The following LINGO2 variants were observed in gnomAD, a reference collection of about 807,000 sequenced individuals.
LINGO2 encodes the protein leucine rich repeat and Ig domain containing 2.
In LINGO2, 14 loss-of-function variants were observed where a neutral mutation model predicts 30.6. The ratio of observed to expected loss-of-function variants is 0.46; its 90% confidence interval spans 0.30 to 0.72. The LOEUF is 0.72. Among genes scored for constraint, LINGO2 ranks in the 30% least tolerant of loss-of-function variants. The pLI is 0.07. For synonymous variants in LINGO2, 317 were observed against 288.5 expected (o/e 1.10, Z -1.00); for missense variants, 729 against 751.7 (o/e 0.97, Z 0.35).
At chr9:28,970,730 T>C in the LINGO2 span, among the ~76,000 whole-genome samples, 2 of 152,144 alleles carry the variant, frequency 1.3e-5, no homozygotes, top group African/African-American at 4.8e-5. Context: ...AAGTCAGAAC[T>C]TGAGTTCCTG....
At chr9:28,355,200 GTAT>G (rs1032380935) in intron 3 of LINGO2, among the ~76,000 whole-genome samples, 1 of 151,232 alleles carries the variant, frequency 6.6e-6, no homozygotes, top group African/African-American at 2.4e-5. Context: ...GCCCCAGGTT[GTAT>G]TATAAATCTC....
chr9:28,331,304 C>T lies in LINGO2; in HGVS notation c.-245-35938G>A, dbSNP rs77304424. On this transcript the variant is annotated intron_variant, in intron 3 of 5. Coordinates refer to ENST00000379992, the Ensembl canonical transcript of LINGO2. The stretch of plus-strand genomic sequence containing the variant: ...ATATGCAAGAAGAAAAGAACAAAAA[C>T]CAAATAAACAAGCAAAAAACTTAAA... Among the ~76,000 whole-genome samples the T allele has an allele frequency of 1.9e-3, 295 of 151,940 alleles. 1 individual carries two copies. Among genetic ancestry groups the T allele is most frequent in the Admixed American group, 3.7e-3 (57 of 15,252 alleles).
intron 1 of LINGO2, among the ~76,000 whole-genome samples, chr9:28,533,923 G>C (rs574645424): frequency 2.6e-5 from 4 of 152,192 alleles, no homozygotes; most frequent in South Asian, 4.1e-4. Context: ...GGACTGCTAG[G>C]TTACAAATTA....
At chr9:29,209,958 T>C in the LINGO2 span, among the ~76,000 whole-genome samples, 1 of 152,148 alleles carries the variant, frequency 6.6e-6, no homozygotes, top group African/African-American at 2.4e-5. Flanking sequence ...CTCCTTGTAC[T>C]ACAGGAAAAC....
the LINGO2 span, among the ~76,000 whole-genome samples, chr9:28,981,059 A>T: frequency 1.3e-5 from 2 of 152,144 alleles, no homozygotes. Flanking sequence ...CCTAATGACC[A>T]TAATCAACAC....
intron 1 of LINGO2, among the ~76,000 whole-genome samples, chr9:28,499,310 G>A (rs1235271687): frequency 6.6e-6 from 1 of 152,020 alleles, no homozygotes; most frequent in African/African-American, 2.4e-5. Flanking sequence ...ACCTACCTGG[G>A]GTTTTGAATT....
the LINGO2 span, among the ~76,000 whole-genome samples, chr9:28,724,612 A>C: frequency 1.3e-5 from 2 of 152,166 alleles, no homozygotes; most frequent in Non-Finnish European, 2.9e-5. Flanking sequence ...GGAACATGAA[A>C]GAGATAGGAG....
intron 4 of LINGO2, among the ~76,000 whole-genome samples, chr9:28,118,455 AAGG>A (rs1469531369): frequency 2.0e-5 from 3 of 152,192 alleles, no homozygotes; most frequent in East Asian, 3.9e-4. Context: ...TTAGTTTAAT[AAGG>A]AGAAGGCAGT....
chr9:28,029,281 C>T (rs569317949), intron 4 of LINGO2, among the ~76,000 whole-genome samples: 1 of 152,156 alleles, frequency 6.6e-6, no homozygotes, highest in South Asian at 2.1e-4. Context: ...TCCACAGGAT[C>T]GTTTCTTGGG....
chr9:28,948,985 T>G, the LINGO2 span, among the ~76,000 whole-genome samples: 1 of 152,030 alleles, frequency 6.6e-6, no homozygotes, highest in Non-Finnish European at 1.5e-5. Flanking sequence ...TCAATTCCTC[T>G]TATCGGTTCA....
At chr9:28,994,327 C>T in the LINGO2 span, among the ~76,000 whole-genome samples, 1 of 152,152 alleles carries the variant, frequency 6.6e-6, no homozygotes, top group African/African-American at 2.4e-5. Context: ...TGAAGGACCA[C>T]TTCAAGGACA....
chr9:28,446,653 C>T (rs915627190), intron 2 of LINGO2, among the ~76,000 whole-genome samples: 3 of 152,334 alleles, frequency 2.0e-5, no homozygotes, highest in African/African-American at 7.2e-5. Context: ...TTTTCTCCCT[C>T]ACCTCTGCAA....
chr9:28,471,267 G>A (rs993367305), intron 2 of LINGO2, among the ~76,000 whole-genome samples: 14 of 152,150 alleles, frequency 9.2e-5, no homozygotes, highest in African/African-American at 3.4e-4. Flanking sequence ...GCAGTTTCTG[G>A]CATAGGCTTT....
At chr9:28,385,454 T>G (rs1821540226) in intron 2 of LINGO2, among the ~76,000 whole-genome samples, 2 of 152,146 alleles carry the variant, frequency 1.3e-5, no homozygotes, top group Admixed American at 6.6e-5. Context: ...TGTATTCAAC[T>G]TCATGACTCT....
At chr9:28,595,074 T>A (rs2135721097) in intron 1 of LINGO2, among the ~76,000 whole-genome samples, 1 of 152,160 alleles carries the variant, frequency 6.6e-6, no homozygotes, top group East Asian at 1.9e-4. Context: ...GCATAAATAG[T>A]CAATATTGGC....
chr9:28,181,978 G>A lies in LINGO2; in HGVS notation c.-87+113230C>T, dbSNP rs151169040. ...AAACAAACTACTTTAAATTTCATAT[G>A]GAATCAAAGTAGACCCTGTATAGCC... On this transcript the variant is annotated intron_variant, in intron 4 of 5. Coordinates refer to ENST00000379992, the Ensembl canonical transcript of LINGO2. Among the ~76,000 whole-genome samples the A allele has an allele frequency of 9.9e-5, 15 of 152,066 alleles. No individual in the cohort carries two copies. The East Asian group carries it at 2.5e-3, about 26-fold the overall frequency.
intron 4 of LINGO2, among the ~76,000 whole-genome samples, chr9:28,049,272 A>G (rs756751923): frequency 1.3e-5 from 2 of 150,764 alleles, no homozygotes; most frequent in Non-Finnish European, 2.9e-5. Flanking sequence ...ATAACCCAAT[A>G]TATCTCAGCC....
chr9:29,090,351 T>G, the LINGO2 span, among the ~76,000 whole-genome samples: 1 of 152,036 alleles, frequency 6.6e-6, no homozygotes, highest in African/African-American at 2.4e-5. Context: ...TATTCCTTCC[T>G]CAGTTCCCCT....
At chr9:29,044,398 C>T in the LINGO2 span, among the ~76,000 whole-genome samples, 8 of 151,920 alleles carry the variant, frequency 5.3e-5, no homozygotes, top group Admixed American at 5.3e-4. Flanking sequence ...CACAGCTCCA[C>T]TAAAGAAATA....
Sources: allele counts gnomAD v4.1 joint callset (sites outside exome capture counted in the v4.1 genomes callset), GRCh38; gene constraint gnomAD v4.1.1; transcripts MANE v1.5; gene names NCBI Gene and HGNC (gene_info 2026-07-23, HGNC 2026-07-21).